Variants in GPC5 observed in about 807,000 individuals in gnomAD.
GPC5 encodes glypican 5.
In GPC5, 47 loss-of-function variants were observed where a neutral mutation model predicts 53.9. The ratio of observed to expected loss-of-function variants is 0.87; its 90% CI spans 0.69 to 1.11. The LOEUF (loss-of-function observed/expected upper bound fraction) is 1.11, where lower values mean the gene tolerates loss of function less well. GPC5 is among the 50% of genes most tolerant of loss of function. The pLI is 0.00. For synonymous variants in GPC5, 286 were observed against 263.3 expected (o/e 1.09, Z -0.84); for missense variants, 748 against 713.1 (o/e 1.05, Z -0.56).
intron 7 of GPC5, among the ~76,000 whole-genome samples, chr13:92,844,353 C>T (rs772964797): frequency 7.9e-5 from 12 of 152,086 alleles, no homozygotes; most frequent in Non-Finnish European, 1.8e-4. Flanking sequence ...AATTAAATTT[C>T]ACTCACCTCA....
At chr13:91,560,235 G>T (rs962012815) in intron 2 of GPC5, among the ~76,000 whole-genome samples, 7 of 152,138 alleles carry the variant, frequency 4.6e-5, no homozygotes, top group African/African-American at 1.7e-4. Flanking sequence ...ACCTACATGT[G>T]TATCTCCTAC....
intron 7 of GPC5, among the ~76,000 whole-genome samples, chr13:92,476,152 A>C (rs186190538): frequency 6.6e-6 from 1 of 152,318 alleles, no homozygotes; most frequent in African/African-American, 2.4e-5. Context: ...CATCTGACAA[A>C]GGGCTAACAT....
intron 7 of GPC5, among the ~76,000 whole-genome samples, chr13:92,159,593 CT>C (rs71120074): frequency 0.03 from 1,722 of 57,134 alleles, 12 homozygotes; most frequent in African/African-American, 0.079. Flanking sequence ...TACCAATGTT[CT>C]TTTTTTTTTT....
At chr13:92,681,726 G>T (rs1050110337) in intron 7 of GPC5, among the ~76,000 whole-genome samples, 2 of 152,076 alleles carry the variant, frequency 1.3e-5, no homozygotes, top group African/African-American at 2.4e-5. Context: ...GAACAACGTG[G>T]TTCTGCTTTC....
intron 2 of GPC5, among the ~76,000 whole-genome samples, chr13:91,557,033 G>A (rs2030997391): frequency 6.6e-6 from 1 of 152,062 alleles, no homozygotes; most frequent in Admixed American, 6.6e-5. Flanking sequence ...GTTTTTGGGT[G>A]GACGTAGTTT....
intron 6 of GPC5, among the ~76,000 whole-genome samples, chr13:92,032,927 C>G (rs542414500): frequency 6.6e-6 from 1 of 152,152 alleles, no homozygotes; most frequent in Admixed American, 6.5e-5. Context: ...TCTCCCTGGA[C>G]TGGTTTACTC....
intron 6 of GPC5, among the ~76,000 whole-genome samples, chr13:92,048,436 G>T (rs1193858900): frequency 2.0e-5 from 3 of 152,134 alleles, no homozygotes; most frequent in African/African-American, 7.2e-5. Flanking sequence ...ATGAAAACAG[G>T]TTGGAGGGCA....
intron 2 of GPC5, among the ~76,000 whole-genome samples, chr13:91,496,104 A>C (rs943643142): frequency 2.0e-5 from 3 of 151,936 alleles, no homozygotes; most frequent in Non-Finnish European, 2.9e-5. Context: ...TATGACTGGG[A>C]AGTGCAATAT....
At chr13:91,445,191 C>T (rs114196736) in intron 1 of GPC5, among the ~76,000 whole-genome samples, 3,373 of 152,246 alleles carry the variant, frequency 0.022, 62 homozygotes, top group South Asian at 0.04. Flanking sequence ...TTCACTTAAG[C>T]GAAGCACTTT....
At chr13:91,442,891 C>A (rs1271389542) in intron 1 of GPC5, among the ~76,000 whole-genome samples, 1 of 152,136 alleles carries the variant, frequency 6.6e-6, no homozygotes, top group African/African-American at 2.4e-5. Context: ...TGAAAGGAGG[C>A]TTCTCCCATC....
chr13:92,034,212 C>G (rs1048502576), intron 6 of GPC5, among the ~76,000 whole-genome samples: 7 of 152,112 alleles, frequency 4.6e-5, no homozygotes, highest in African/African-American at 1.7e-4. Context: ...AAAAGGAAAG[C>G]AGGCCAGGTG....
chr13:91,589,901 C>G (rs531840642), intron 2 of GPC5, among the ~76,000 whole-genome samples: 1 of 152,154 alleles, frequency 6.6e-6, no homozygotes, highest in African/African-American at 2.4e-5. Flanking sequence ...TGGGTATCTT[C>G]TATGGAGAAA....
At chr13:92,174,118 A>G (rs932890732) in intron 7 of GPC5, among the ~76,000 whole-genome samples, 2 of 152,118 alleles carry the variant, frequency 1.3e-5, no homozygotes, top group South Asian at 2.1e-4. Flanking sequence ...AAGAAAGGAA[A>G]AGAAAAGACA....
At chr13:92,519,018 A>C (rs1285656930) in intron 7 of GPC5, among the ~76,000 whole-genome samples, 1 of 152,212 alleles carries the variant, frequency 6.6e-6, no homozygotes. Flanking sequence ...AACAAAGATC[A>C]AAAGAGATAA....
intron 6 of GPC5, among the ~76,000 whole-genome samples, chr13:92,120,499 C>T (rs1248521166): frequency 1.3e-5 from 2 of 152,120 alleles, no homozygotes; most frequent in Non-Finnish European, 2.9e-5. Context: ...GACTCAAGCA[C>T]TCCTGCCACT....
intron 2 of GPC5, among the ~76,000 whole-genome samples, chr13:91,635,054 T>C (rs1264074507): frequency 6.6e-6 from 1 of 152,104 alleles, no homozygotes; most frequent in Non-Finnish European, 1.5e-5. Context: ...AGAGTAAGAC[T>C]TGAGAATTGA....
chr13:91,680,813 T>C (rs1441627851), intron 2 of GPC5, among the ~76,000 whole-genome samples: 3 of 152,152 alleles, frequency 2.0e-5, no homozygotes, highest in Admixed American at 2.0e-4. Context: ...TGTGAGAATA[T>C]AGCTCTTTTC....
intron 5 of GPC5, among the ~76,000 whole-genome samples, chr13:91,815,308 A>G (rs1166049166): frequency 1.3e-5 from 2 of 152,126 alleles, no homozygotes; most frequent in Non-Finnish European, 1.5e-5. Flanking sequence ...GGTCGAGACT[A>G]CAATGAGCCA....
chr13:91,903,544 G>T (rs1010568804), intron 5 of GPC5, among the ~76,000 whole-genome samples: 1 of 152,012 alleles, frequency 6.6e-6, no homozygotes, highest in East Asian at 1.9e-4. Flanking sequence ...TATTTGAACT[G>T]TTCTGATGTG....
Sources: allele counts gnomAD v4.1 joint callset (sites outside exome capture counted in the v4.1 genomes callset), GRCh38; gene constraint gnomAD v4.1.1; transcripts MANE v1.5; gene names NCBI Gene and HGNC (gene_info 2026-07-23, HGNC 2026-07-21).